Variants in GRIK2 observed in about 807,000 individuals in gnomAD.
GRIK2 encodes the protein glutamate ionotropic receptor kainate type subunit 2.
In GRIK2, 32 loss-of-function variants were observed where a neutral mutation model predicts 100.3. That is an observed-to-expected ratio of 0.32 (90% CI 0.24 to 0.43). GRIK2 has a LOEUF of 0.43. GRIK2 is among the 20% of genes least tolerant of loss of function. The pLI is 1.00. For synonymous variants in GRIK2, 417 were observed against 389.4 expected, an observed-to-expected ratio of 1.07 and a Z score of -0.83; for missense variants, 843 against 1,114.9, an observed-to-expected ratio of 0.76 and a Z score of 3.47.
intron 2 of GRIK2, among the ~76,000 whole-genome samples, chr6:101,521,231 A>C (rs1774868099): frequency 6.6e-6 from 1 of 152,012 alleles, no homozygotes; most frequent in Admixed American, 6.6e-5. Context: ...TTTTTGCGGG[A>C]AAAAGAAAAC....
chr6:101,981,342 T>C (rs1294998145), intron 14 of GRIK2, among the ~76,000 whole-genome samples: 1 of 151,890 alleles, frequency 6.6e-6, no homozygotes, highest in Non-Finnish European at 1.5e-5. Context: ...ACATTTTAGA[T>C]GCCTGGGATA....
intron 12 of GRIK2, among the ~76,000 whole-genome samples, chr6:101,922,379 A>G (rs1301773006): frequency 6.6e-6 from 1 of 152,126 alleles, no homozygotes; most frequent in African/African-American, 2.4e-5. Context: ...CAAATTACAC[A>G]GTCTCACTAT....
intron 4 of GRIK2, among the ~76,000 whole-genome samples, chr6:101,639,613 TACATACATACATACAC>T (rs1235343646): frequency 2.0e-5 from 3 of 152,038 alleles, no homozygotes; most frequent in African/African-American, 4.8e-5. Context: ...CATACATACA[TACATACATACATACAC>T]ACAGTTTTCT....
intron 2 of GRIK2, among the ~76,000 whole-genome samples, chr6:101,423,306 G>A (rs979681420): frequency 6.6e-6 from 1 of 152,070 alleles, no homozygotes; most frequent in African/African-American, 2.4e-5. Flanking sequence ...ATGTGAGTAG[G>A]GAAGAGAAAC....
At chr6:101,571,907 TATG>T (rs1393831996) in intron 2 of GRIK2, among the ~76,000 whole-genome samples, 2 of 152,142 alleles carry the variant, frequency 1.3e-5, no homozygotes, top group Non-Finnish European at 2.9e-5. Context: ...CATGCAATAA[TATG>T]ATAACTGTAA....
rs1213458153 is a variant in GRIK2, at chr6:101,595,714, G to GTATATATATA, written c.116-26234_116-26233insATATATATAT. On this transcript the variant is annotated intron_variant, in intron 2 of 16. Coordinates refer to ENST00000369134, the MANE Select transcript of GRIK2 (RefSeq NM_021956.5). ...TATATATATATGTGTGTGTGTGTGTGTGTGTATATATATATATATATATAT... is the reference window on the plus strand; with the variant it reads ...TATATATATATGTGTGTGTGTGTGTGTATATATATATGTGTATATATATATATATATATAT... Among the ~76,000 whole-genome samples the GTATATATATA allele has an allele frequency of 2.8e-3, 358 of 129,582 alleles. 1 individual carries two copies. Among genetic ancestry groups the GTATATATATA allele is most frequent in the Middle Eastern group, 7.9e-3 (2 of 254 alleles). The allele number at this position is 129,582 out of a possible 152,430, so 85.0% of individuals were successfully genotyped here.
intron 7 of GRIK2, among the ~76,000 whole-genome samples, chr6:101,727,439 A>G (rs1465844863): frequency 1.3e-5 from 2 of 152,112 alleles, no homozygotes; most frequent in East Asian, 3.9e-4. Context: ...CCTCATCAAG[A>G]CAGCAAGTCT....
chr6:101,587,394 G>A (rs1778429444), intron 2 of GRIK2, among the ~76,000 whole-genome samples: 1 of 151,912 alleles, frequency 6.6e-6, no homozygotes, highest in Non-Finnish European at 1.5e-5. Flanking sequence ...CTGTCCGTCT[G>A]TCTGTCCCTC....
At chr6:101,439,959 TG>T (rs1433890302) in intron 2 of GRIK2, among the ~76,000 whole-genome samples, 1 of 152,142 alleles carries the variant, frequency 6.6e-6, no homozygotes, top group East Asian at 1.9e-4. Context: ...AGTGAGAATC[TG>T]GGTTTAAAAA....
chr6:101,620,327 A>G (rs1167582918), intron 2 of GRIK2: 1 of 227,400 alleles, frequency 4.4e-6, no homozygotes. Context: ...TAAGTCACCA[A>G]AGACTTCAAA....
At chr6:101,875,312 T>A (rs1785747699) in intron 11 of GRIK2, among the ~76,000 whole-genome samples, 3 of 151,884 alleles carry the variant, frequency 2.0e-5, no homozygotes, top group Admixed American at 2.0e-4. Context: ...CAATAAGAGA[T>A]CTCTTGTCCT....
At chr6:101,945,041 A>G (rs571722474) in intron 14 of GRIK2, among the ~76,000 whole-genome samples, 3 of 152,238 alleles carry the variant, frequency 2.0e-5, no homozygotes, top group South Asian at 4.1e-4. Flanking sequence ...AATTCTTAAA[A>G]AGTTAAGAAA....
chr6:101,961,497 T>C (rs1792297708), intron 14 of GRIK2, among the ~76,000 whole-genome samples: 1 of 152,106 alleles, frequency 6.6e-6, no homozygotes. Flanking sequence ...CATCCGCAGC[T>C]GTGGGTCGGC....
chr6:101,999,852 A>G (rs751643194), intron 14 of GRIK2, among the ~76,000 whole-genome samples: 1 of 151,968 alleles, frequency 6.6e-6, no homozygotes, highest in Non-Finnish European at 1.5e-5. Flanking sequence ...TTTCTTCTTT[A>G]CTGAAATATT....
intron 2 of GRIK2, among the ~76,000 whole-genome samples, chr6:101,553,459 T>C (rs542150876): frequency 6.6e-6 from 1 of 152,362 alleles, no homozygotes; most frequent in Non-Finnish European, 1.5e-5. Flanking sequence ...GAATTTACAT[T>C]TTCTGGTAGC....
intron 2 of GRIK2, among the ~76,000 whole-genome samples, chr6:101,427,493 C>G (rs950454597): frequency 1.1e-4 from 17 of 152,196 alleles, no homozygotes; most frequent in African/African-American, 3.9e-4. Flanking sequence ...CTTTTCATCT[C>G]TGCATCCATA....
chr6:101,947,367 T>A (rs995994212), intron 14 of GRIK2, among the ~76,000 whole-genome samples: 1 of 152,176 alleles, frequency 6.6e-6, no homozygotes, highest in Non-Finnish European at 1.5e-5. Flanking sequence ...TTAAACATTT[T>A]AAAATGTTTA....
chr6:101,671,927 G>A (rs1359743019), intron 4 of GRIK2, among the ~76,000 whole-genome samples: 5 of 152,136 alleles, frequency 3.3e-5, no homozygotes, highest in Non-Finnish European at 5.9e-5. Context: ...CCCTTCTGAA[G>A]GGTACAGGTG....
intron 2 of GRIK2, among the ~76,000 whole-genome samples, chr6:101,404,244 GA>G (rs1332013776): frequency 2.0e-5 from 3 of 152,204 alleles, no homozygotes; most frequent in African/African-American, 7.2e-5. Flanking sequence ...CTCAGCACGG[GA>G]AAGTTAATGT....
Sources: allele counts gnomAD v4.1 joint callset (sites outside exome capture counted in the v4.1 genomes callset), GRCh38; gene constraint gnomAD v4.1.1; transcripts MANE v1.5; gene names NCBI Gene and HGNC (gene_info 2026-07-23, HGNC 2026-07-21).